Variants in AQR observed in about 807,000 individuals in gnomAD.
AQR encodes the protein RNA helicase aquarius.
Under a neutral mutation model 180.5 loss-of-function variants are expected in AQR, and 61 were observed. That is an observed-to-expected ratio of 0.34 (90% CI 0.28 to 0.42). The LOEUF is 0.42. Among genes scored for constraint, AQR ranks in the 10% least tolerant of loss-of-function variants. AQR has a pLI of 1.00. For synonymous variants in AQR, 551 were observed against 588.8 expected (o/e 0.94, Z 0.93); for missense variants, 1,281 against 1,798.3 (o/e 0.71, Z 5.20).
chr15:34,871,965 A>G (rs1748037638), intron 30 of AQR, among the ~76,000 whole-genome samples: 1 of 152,034 alleles, frequency 6.6e-6, no homozygotes, highest in African/African-American at 2.4e-5. Context: ...TTAAAAAAAA[A>G]AAAAAAGGAA....
intron 34 of AQR, among the ~76,000 whole-genome samples, chr15:34,858,194 G>C (rs1432580285): frequency 1.3e-5 from 2 of 151,810 alleles, no homozygotes; most frequent in African/African-American, 2.4e-5. Context: ...ATGTTGGCCA[G>C]GCTGGTCTCG....
chr15:34,861,482 G>A (rs1892671049), intron 33 of AQR, among the ~76,000 whole-genome samples: 1 of 152,190 alleles, frequency 6.6e-6, no homozygotes, highest in African/African-American at 2.4e-5. Flanking sequence ...ACTCATGAGT[G>A]TTATCTAAAG....
At chr15:34,965,689 A>G (rs1257078276) in intron 1 of AQR, among the ~76,000 whole-genome samples, 1 of 152,072 alleles carries the variant, frequency 6.6e-6, no homozygotes, top group Admixed American at 6.6e-5. Flanking sequence ...ATAAATAAAT[A>G]ACACCTTCCC....
In AQR at chr15:34,904,504, T is replaced by C. The variant is rs773985276; in HGVS notation, c.1833A>G (p.Gly611=). The C allele has an allele frequency of 6.3e-7, 1 of 1,594,332 alleles. No individual in the cohort carries two copies. The highest frequency in any genetic ancestry group is 1.2e-5 in the South Asian group (1 of 85,594). The change falls in exon 19 of 35, where the codon GGA becomes GGG. Residue 611 remains glycine, a splice_region_variant and synonymous_variant. Coordinates refer to ENST00000156471, the MANE Select transcript of AQR (RefSeq NM_014691.3). ...CTCTAAGATTGGGTCTGGGTTCAGG[T>C]CCTGGACAATTTGAAAAAGTTTGTT... ...LDDKGRVIED[G]PEPRPNLRGE...
intron 34 of AQR, among the ~76,000 whole-genome samples, chr15:34,858,306 G>A (rs1245152995): frequency 2.5e-5 from 3 of 121,182 alleles, no homozygotes; most frequent in Admixed American, 9.8e-5. Context: ...AAAAAGTACC[G>A]TGCACGACAG....
chr15:34,892,505 T>C (rs1406572117), intron 23 of AQR, among the ~76,000 whole-genome samples: 7 of 152,226 alleles, frequency 4.6e-5, no homozygotes, highest in African/African-American at 9.6e-5. Flanking sequence ...CTTTTTCACA[T>C]TGACCCTCTC....
In AQR at chr15:34,886,835, T is replaced by TA. The variant is rs780654968; in HGVS notation, c.2682-175dup. 1.6e-3 allele frequency among the ~76,000 whole-genome samples: 236 copies of TA among 151,980 alleles called. 1 individual carries two copies. Among genetic ancestry groups the TA allele is most frequent in the African/African-American group, 5.5e-3 (226 of 41,454 alleles). ...TGGGTTACTTTACACAAAAGCTACT[T>TA]AAAGTAGGTGGGTCACGGTGGTTCA... On this transcript the variant is annotated intron_variant, in intron 24 of 34. Coordinates refer to ENST00000156471, the MANE Select transcript of AQR (RefSeq NM_014691.3).
At chr15:34,887,009 C>T (rs1893070374) in intron 24 of AQR, among the ~76,000 whole-genome samples, 1 of 151,856 alleles carries the variant, frequency 6.6e-6, no homozygotes, top group Non-Finnish European at 1.5e-5. Context: ...CCTGTAGTCC[C>T]AGCTACTTGG....
intron 31 of AQR, 22 bp downstream of exon 31, chr15:34,870,730 C>CAT: frequency 6.3e-7 from 1 of 1,593,036 alleles, no homozygotes; most frequent in Non-Finnish European, 8.6e-7. Flanking sequence ...AATAAGAGAA[C>CAT]ATATTATAAT....
intron 10 of AQR, among the ~76,000 whole-genome samples, chr15:34,933,866 A>C (rs115427842): frequency 6.6e-6 from 1 of 152,136 alleles, no homozygotes; most frequent in Non-Finnish European, 1.5e-5. Context: ...AATCCCAAGC[A>C]ATCCTCCTAC....
chr15:34,936,716 T>TA lies in AQR; in HGVS notation c.718+2020dup, dbSNP rs111758364. On this transcript the variant is annotated intron_variant, in intron 9 of 34. Coordinates refer to ENST00000156471, the MANE Select transcript of AQR (RefSeq NM_014691.3). ...GGGAGACAGAATGAGACTCCATCTT[T>TA]AAAAAAAAAAAAAAAGTTGTTTTCT... Among the ~76,000 whole-genome samples the TA allele has an allele frequency of 2.2e-3, 304 of 139,110 alleles. 1 individual carries two copies. The highest frequency in any genetic ancestry group is 2.9e-3 in the African/African-American group (112 of 38,010). The allele number at this position is 139,110 out of a possible 152,430, so 91.3% of individuals were successfully genotyped here.
At chr15:34,920,125 T>C (rs531146825) in intron 14 of AQR, among the ~76,000 whole-genome samples, 1 of 152,280 alleles carries the variant, frequency 6.6e-6, no homozygotes, top group South Asian at 2.1e-4. Flanking sequence ...ATCCAGAAAG[T>C]AGTTCGAAGA....
chr15:34,946,446 CCCGCCCGG>C (rs1894117883), intron 5 of AQR, among the ~76,000 whole-genome samples: 2 of 147,124 alleles, frequency 1.4e-5, no homozygotes, highest in African/African-American at 5.0e-5. Context: ...GGGTCAGCCC[CCCGCCCGG>C]CCAGCCGCCC....
At chr15:34,933,442 A>G (rs960136885) in intron 10 of AQR, among the ~76,000 whole-genome samples, 1 of 149,018 alleles carries the variant, frequency 6.7e-6, no homozygotes, top group African/African-American at 2.4e-5. Context: ...CAAATCCTGC[A>G]CCTAAGAGTA....
At chr15:34,879,588 A>G (rs887963623) in intron 27 of AQR, among the ~76,000 whole-genome samples, 2 of 152,204 alleles carry the variant, frequency 1.3e-5, no homozygotes, top group African/African-American at 4.8e-5. Context: ...TGTTCTTCTC[A>G]TGAGTCAACT....
At chr15:34,913,515 G>A (rs903810503) in intron 16 of AQR, among the ~76,000 whole-genome samples, 3 of 152,114 alleles carry the variant, frequency 2.0e-5, no homozygotes, top group African/African-American at 2.4e-5. Context: ...TATTACCAGT[G>A]TGAATGAATT....
Position 34,867,526 on chromosome 15 carries a change from C to T in AQR, c.3852G>A (p.Leu1284=). The T allele has an allele frequency of 6.2e-7, 1 of 1,612,004 alleles. No individual in the cohort carries two copies. The highest frequency in any genetic ancestry group is 8.5e-7 in the Non-Finnish European group (1 of 1,178,628). Residue 1284 remains leucine (L), a splice_region_variant and synonymous_variant, in exon 32 of 35, where the codon CTG becomes CTA. Coordinates refer to ENST00000156471, the MANE Select transcript of AQR (RefSeq NM_014691.3). ...SLVRTRAVGH[L]RDVRRLVVAM... ...TATGAAAGTTTTTTCCTACGTACCTCAGATGGCCCACTGCCCTGGTTCGTA... is the reference window on the plus strand; with the variant it reads ...TATGAAAGTTTTTTCCTACGTACCTTAGATGGCCCACTGCCCTGGTTCGTA...
chr15:34,967,517 C>A (rs1292179273), intron 1 of AQR, among the ~76,000 whole-genome samples: 3 of 151,998 alleles, frequency 2.0e-5, no homozygotes, highest in Non-Finnish European at 4.4e-5. Context: ...CCTCTAATCT[C>A]GTTTAAGTTG....
Position 34,862,850 on chromosome 15 carries a change from G to A in AQR, c.4029+17C>T. On this transcript the variant is annotated intron_variant, in intron 33 of 34. Coordinates refer to ENST00000156471, the MANE Select transcript of AQR (RefSeq NM_014691.3). ...TCTGAGGAATGCTGTTTTATAAAAT[G>A]AAGAAAGAAGTCCTACCTTTCTAGT... The A allele has an allele frequency of 6.2e-7, 1 of 1,611,234 alleles. No homozygotes were observed. Among genetic ancestry groups the A allele is most frequent in the Non-Finnish European group, 8.5e-7 (1 of 1,178,160 alleles).
Sources: gnomAD v4.1 joint callset for allele counts (sites outside exome capture counted in the v4.1 genomes callset) on GRCh38, gnomAD v4.1.1 for gene constraint, MANE v1.5 for transcripts, NCBI Gene and HGNC (gene_info 2026-07-23, HGNC 2026-07-21) for gene names.